Variants in NAV3 observed in about 807,000 individuals in gnomAD.
NAV3 encodes the protein neuron navigator 3.
In NAV3, 87 loss-of-function variants were observed where a neutral mutation model predicts 244.7. That is an observed-to-expected ratio of 0.36 (90% CI 0.30 to 0.42). NAV3 has a LOEUF of 0.42. NAV3 is among the 20% of genes least tolerant of loss of function. The pLI, the probability that NAV3 is intolerant of heterozygous loss-of-function variation, is 1.00. For missense variants in NAV3, 2,663 were observed against 2,893.3 expected (o/e 0.92, Z 1.83); for synonymous variants, 1,126 against 1,042.2 (o/e 1.08, Z -1.55).
chr12:77,690,834 C>G (rs1046711634), intron 2 of NAV3, among the ~76,000 whole-genome samples: 2 of 5,454 alleles, frequency 3.7e-4, no homozygotes, highest in Non-Finnish European at 1.0e-3. Flanking sequence ...TCTTTTCTCT[C>G]TCTTCCTAAT....
chr12:78,041,581 G>C (rs1283480096), intron 9 of NAV3, among the ~76,000 whole-genome samples: 1 of 152,146 alleles, frequency 6.6e-6, no homozygotes. Flanking sequence ...TTTACATTTT[G>C]ACCTGCTACT....
chr12:77,984,479 A>ATTT lies in NAV3; in HGVS notation c.672-10311_672-10309dup, dbSNP rs33928359. On this transcript the variant is annotated intron_variant, in intron 5 of 39. Transcript: ENST00000397909. ...TGCCTCCAGAGACTGTCAAGTATGC[A>ATTT]TTTTTTTTTTTTTTTACCTGTTATA... is the stretch of plus-strand genomic sequence containing the variant. 2.3e-3 allele frequency among the ~76,000 whole-genome samples: 338 copies of ATTT among 146,086 alleles called. 1 individual carries two copies. Among genetic ancestry groups the ATTT allele is most frequent in the Middle Eastern group, 7.4e-3 (2 of 270 alleles).
intron 1 of NAV3, among the ~76,000 whole-genome samples, chr12:77,833,759 T>A (rs1834583865): frequency 6.6e-6 from 1 of 152,132 alleles, no homozygotes; most frequent in Non-Finnish European, 1.5e-5. Flanking sequence ...AAGGTTCTTT[T>A]GAATGTTGGA....
chr12:77,788,627 A>T (rs1042518435), intron 2 of NAV3, among the ~76,000 whole-genome samples: 13 of 151,612 alleles, frequency 8.6e-5, no homozygotes, highest in African/African-American at 2.9e-4. Context: ...TTTTTTCTAA[A>T]AAAAGACTTT....
chr12:78,044,362 C>T (rs896027842), intron 9 of NAV3, among the ~76,000 whole-genome samples: 3 of 152,106 alleles, frequency 2.0e-5, no homozygotes, highest in African/African-American at 7.2e-5. Flanking sequence ...AGTCAGGTAG[C>T]ATGATGCTTC....
chr12:78,169,659 A>T (rs1187712638), intron 24 of NAV3, among the ~76,000 whole-genome samples: 2 of 151,724 alleles, frequency 1.3e-5, no homozygotes, highest in East Asian at 3.9e-4. Context: ...GAAAAATTTT[A>T]TGAAGTCTTT....
At chr12:78,195,348 A>G (rs905695715) in intron 34 of NAV3, among the ~76,000 whole-genome samples, 17 of 150,440 alleles carry the variant, frequency 1.1e-4, no homozygotes, top group African/African-American at 4.1e-4. Context: ...TTAGATTTCA[A>G]TCCTTTTTAT....
rs577601732 is a variant in NAV3, at chr12:78,166,779, G to C, written c.4870-1976G>C. Among the ~76,000 whole-genome samples, 220 of 151,710 alleles carry C rather than the reference G, an allele frequency of 1.5e-3. 2 individuals are homozygous for C. Among genetic ancestry groups the C allele is most frequent in the Non-Finnish European group, 2.1e-3 (140 of 67,748 alleles). The stretch of plus-strand genomic sequence containing the variant: ...AGAGATTTCTTGTGAAAAGCTGAAC[G>C]TTCTGACACTGAAATAAGTCAGCTA... On this transcript the variant is annotated intron_variant, in intron 23 of 39. Coordinates refer to ENST00000397909, the MANE Select transcript of NAV3 (RefSeq NM_001024383.2).
chr12:77,598,735 T>C (rs1268905373), intron 2 of NAV3, among the ~76,000 whole-genome samples: 2 of 151,862 alleles, frequency 1.3e-5, no homozygotes, highest in African/African-American at 4.8e-5. Flanking sequence ...CTTACAAGAG[T>C]AGTGCTCATT....
At chr12:77,575,477 A>G (rs957843779) in intron 2 of NAV3, among the ~76,000 whole-genome samples, 1 of 152,072 alleles carries the variant, frequency 6.6e-6, no homozygotes, top group African/African-American at 2.4e-5. Flanking sequence ...TGGCATCTCA[A>G]ACCACCTGAA....
chr12:78,164,645 A>G (rs1957703489), intron 23 of NAV3, among the ~76,000 whole-genome samples: 1 of 152,076 alleles, frequency 6.6e-6, no homozygotes, highest in African/African-American at 2.4e-5. Flanking sequence ...TATTTGGTCA[A>G]TGTAATTTAT....
chr12:77,645,190 G>C (rs1872561507), intron 2 of NAV3, among the ~76,000 whole-genome samples: 1 of 152,018 alleles, frequency 6.6e-6, no homozygotes, highest in African/African-American at 2.4e-5. Flanking sequence ...CAAAATAAAA[G>C]CTGCTGATGG....
chr12:77,831,597 G>T lies in NAV3; in HGVS notation c.136G>T (p.Glu46Ter). The T allele has an allele frequency of 6.2e-7, 1 of 1,614,048 alleles. No individual in the cohort carries two copies. The highest frequency in any genetic ancestry group is 1.1e-5 in the South Asian group (1 of 91,070). Residue 46 changes from glutamate to a stop codon, truncating the protein, a stop_gained, in exon 1 of 40, where the codon GAA becomes TAA. Transcript: ENST00000397909. LOFTEE classifies it high-confidence loss of function. ...HCSSRPLELT[E>*]TESSMLSCQL... ...TTCTTCAAGACCTTTGGAACTTACT[G>T]AAACAGAGAGCTCCATGCTTTCTTG...
At chr12:78,137,620 C>T (rs1238289306) in intron 19 of NAV3, among the ~76,000 whole-genome samples, 1 of 152,072 alleles carries the variant, frequency 6.6e-6, no homozygotes, top group East Asian at 1.9e-4. Flanking sequence ...TTTTCCAATA[C>T]AGAAATATAC....
At chr12:77,737,840 A>G (rs966928680) in intron 2 of NAV3, among the ~76,000 whole-genome samples, 2 of 152,184 alleles carry the variant, frequency 1.3e-5, no homozygotes, top group African/African-American at 2.4e-5. Flanking sequence ...GCATTTGTCT[A>G]GTGATGGAAT....
At chr12:77,835,922 TGTTTA>T (rs1874544903) in intron 1 of NAV3, among the ~76,000 whole-genome samples, 1 of 152,236 alleles carries the variant, frequency 6.6e-6, no homozygotes, top group African/African-American at 2.4e-5. Flanking sequence ...TTCTTCAGAA[TGTTTA>T]GTCCCACTGT....
At chr12:77,772,497 C>T (rs1165790422) in intron 2 of NAV3, among the ~76,000 whole-genome samples, 1 of 152,086 alleles carries the variant, frequency 6.6e-6, no homozygotes, top group African/African-American at 2.4e-5. Context: ...CATGCTAAGA[C>T]TTATGATAAA....
intron 2 of NAV3, among the ~76,000 whole-genome samples, chr12:77,582,523 A>G (rs1592472723): frequency 6.6e-6 from 1 of 152,240 alleles, no homozygotes; most frequent in East Asian, 1.9e-4. Flanking sequence ...AAATTACATT[A>G]GGAAGTTTTA....
intron 8 of NAV3, among the ~76,000 whole-genome samples, chr12:78,008,935 A>G (rs927332526): frequency 1.3e-5 from 2 of 152,198 alleles, no homozygotes; most frequent in Non-Finnish European, 2.9e-5. Context: ...AAAATCATGA[A>G]GTTTTAAATA....
Sources: gnomAD v4.1 joint callset for allele counts (sites outside exome capture counted in the v4.1 genomes callset) on GRCh38, gnomAD v4.1.1 for gene constraint, MANE v1.5 for transcripts, NCBI Gene and HGNC (gene_info 2026-07-23, HGNC 2026-07-21) for gene names.